TBL2: variants seen among roughly 807,000 people sequenced by gnomAD.
The protein encoded by TBL2 is transducin beta-like protein 2.
TBL2 carries 33 observed loss-of-function variants against 41.8 expected under a neutral mutation model. That is an observed-to-expected ratio of 0.79 (90% confidence interval 0.60 to 1.06). The LOEUF (loss-of-function observed/expected upper bound fraction) is 1.06, where lower values mean the gene tolerates loss of function less well. Among genes scored for constraint, TBL2 ranks in the 50% least tolerant of loss-of-function variants. TBL2 has a pLI of 0.00. For missense variants in TBL2, 522 were observed against 603.8 expected (o/e 0.86, Z 1.42); for synonymous variants, 239 against 241.7 (o/e 0.99, Z 0.10).
chr7:73,571,007 A>G, intron 6 of TBL2, 35 bp from the exon 7 acceptor site: 1 of 1,574,324 alleles, frequency 6.4e-7, no homozygotes, highest in Non-Finnish European at 8.6e-7. Flanking sequence ...AAGCCCCAAC[A>G]CACCCTGGCA....
intron 5 of TBL2, 85 bp downstream of exon 5, chr7:73,572,759 G>A (rs962294819): frequency 2.3e-5 from 37 of 1,589,144 alleles, no homozygotes; most frequent in Admixed American, 8.5e-5. Flanking sequence ...CTCTTCCCAC[G>A]CGATGAAGCT....
rs17145738 is a variant in TBL2 at position 73,568,544 on chromosome 7, C to T, written c.*1963G>A. ...AGGTAACTGACCCTTCACACATTTA[C>T]GGTGCCCATCTGACATTCATAGCAT... On this transcript the variant is annotated 3_prime_UTR_variant, in exon 7 of 7. Coordinates refer to ENST00000305632, the MANE Select transcript of TBL2 (RefSeq NM_012453.4). 0.1 allele frequency among the ~76,000 whole-genome samples: 15,954 copies of T among 152,128 alleles called. 886 individuals are homozygous for T. Among genetic ancestry groups the T allele is most frequent in the Middle Eastern group, 0.13 (37 of 294 alleles).
chr7:73,573,593 A>G (rs1793108599), intron 3 of TBL2, 122 bp from the exon 4 acceptor site: 1 of 1,312,974 alleles, frequency 7.6e-7, no homozygotes, highest in African/African-American at 1.5e-5. Context: ...CTAGCCTTAA[A>G]ACTTAAGCCC....
intron 6 of TBL2, 87 bp downstream of exon 6, chr7:73,571,102 A>G: frequency 6.3e-7 from 1 of 1,598,202 alleles, no homozygotes; most frequent in Non-Finnish European, 8.5e-7. Context: ...CACCCTCTTC[A>G]GAGCCATGGC....
Position 73,571,224 on chromosome 7 carries a change from A to T in TBL2, c.843T>A (p.Ala281=). 6.2e-7 allele frequency: 1 copy of T among 1,614,238 alleles called. No homozygotes were observed. Among genetic ancestry groups the T allele is most frequent in the Non-Finnish European group, 8.5e-7 (1 of 1,180,040 alleles). The change falls in exon 6 of 7, where the codon GCT becomes GCA. Residue 281 remains alanine (A), a synonymous_variant. Coordinates refer to ENST00000305632, the MANE Select transcript of TBL2 (RefSeq NM_012453.4). ...CGTTGGAGAAAGCAAACGAGTGCAC[A>T]GCCGCGGAGTGGCCCTTTAGTTCGA... is the stretch of plus-strand genomic sequence containing the variant. ...RAFELKGHSA[A]VHSFAFSNDS... is the part of the protein sequence containing the mutation.
In TBL2 at chr7:73,570,437, A is replaced by G. The variant is rs911691170; in HGVS notation, c.*70T>C. 29 of 1,432,166 alleles carry G rather than the reference A, an allele frequency of 2.0e-5. No individual in the cohort carries two copies. The highest frequency in any genetic ancestry group is 2.4e-5 in the Non-Finnish European group (26 of 1,096,954). The allele number at this position is 1,432,166 out of a possible 1,614,324, so 88.7% of individuals were successfully genotyped here. A position where few individuals can be genotyped will look rare whatever the true frequency, so the allele number is the denominator to read the frequency against. On this transcript the variant is annotated 3_prime_UTR_variant, in exon 7 of 7. Transcript: ENST00000305632. ...TCTGAAAGGCTTCCACCTGGGAGGA[A>G]AGATGGCAGCAGTGCCATGAGGAGG...
At chr7:73,571,439 A>G in intron 5 of TBL2, 98 bp from the exon 6 acceptor site, 1 of 1,512,696 alleles carries the variant, frequency 6.6e-7, no homozygotes, top group Non-Finnish European at 9.0e-7. Flanking sequence ...GATAATCCTC[A>G]TATCTGGATA....
chr7:73,577,818 C>T (rs375898915), intron 1 of TBL2, among the ~76,000 whole-genome samples: 7 of 151,982 alleles, frequency 4.6e-5, no homozygotes, highest in Non-Finnish European at 7.4e-5. Flanking sequence ...GCTAATTTTG[C>T]GTAGAGATGG....
rs1793074727 is a variant in TBL2, at chr7:73,573,144, G to T, written c.599-174C>A. 5 of 1,346,966 alleles carry T rather than the reference G, an allele frequency of 3.7e-6. No homozygotes were observed. The East Asian group carries it at 1.2e-4, about 31-fold the overall frequency. The allele number at this position is 1,346,966 out of a possible 1,614,324, so 83.4% of individuals were successfully genotyped here. On this transcript the variant is annotated intron_variant, in intron 4 of 6. Transcript: ENST00000305632. ...GTGGCCCTTCCCCACCTTCCCTAGG[G>T]ACCTGGTGTGGCCCAGGGACTCCAG...
In TBL2 at chr7:73,572,826, A is replaced by G; in HGVS notation, c.725+18T>C. On this transcript the variant is annotated intron_variant, in intron 5 of 6. Transcript: ENST00000305632. ...CAGCCTCTCGTGGTCCCAGACGCCAATACCCCTCCTTGCCCACCTGCCACA... is the reference window on the plus strand; with the variant it reads ...CAGCCTCTCGTGGTCCCAGACGCCAGTACCCCTCCTTGCCCACCTGCCACA... 2 of 1,613,838 alleles carry G rather than the reference A, an allele frequency of 1.2e-6. No homozygotes were observed. Among genetic ancestry groups the G allele is most frequent in the Non-Finnish European group, 1.7e-6 (2 of 1,179,828 alleles).
rs1188288612 is a variant in TBL2 at position 73,570,338 on chromosome 7, G to A, written c.*169C>T. 2 of 1,232,144 alleles carry A rather than the reference G, an allele frequency of 1.6e-6. No individual in the cohort carries two copies. The highest frequency in any genetic ancestry group is 2.1e-6 in the Non-Finnish European group (2 of 932,280). The allele number at this position is 1,232,144 out of a possible 1,614,324, so 76.3% of individuals were successfully genotyped here. ...GGAGGAGTCACAGCCAGCAAGAAGA[G>A]AGAGACCTAAGTAGACAAGAGTAGT... On this transcript the variant is annotated 3_prime_UTR_variant, in exon 7 of 7. Transcript: ENST00000305632.
intron 1 of TBL2, among the ~76,000 whole-genome samples, chr7:73,577,506 G>A (rs1793412574): frequency 6.6e-6 from 1 of 152,136 alleles, no homozygotes; most frequent in African/African-American, 2.4e-5. Context: ...CCTGGCAGGC[G>A]GAAGTTGCAA....
chr7:73,568,333 C>G lies in TBL2; in HGVS notation c.*2174G>C, dbSNP rs568457298. Among the ~76,000 whole-genome samples, 1 of 152,120 alleles carries G rather than the reference C, an allele frequency of 6.6e-6. No homozygotes were observed. The highest frequency in any genetic ancestry group is 2.1e-4 in the South Asian group (1 of 4,828). On this transcript the variant is annotated 3_prime_UTR_variant, in exon 7 of 7. Transcript: ENST00000305632. ...CCAATAAGAGAGTAGTGGACTGCATCGGGCCGACCTTAGTGTTTTGTTTGG... is the reference window on the plus strand; with the variant it reads ...CCAATAAGAGAGTAGTGGACTGCATGGGGCCGACCTTAGTGTTTTGTTTGG...
Position 73,573,027 on chromosome 7 carries a change from T to G in TBL2, c.599-57A>C. The G allele has an allele frequency of 2.5e-6, 4 of 1,609,462 alleles. No homozygotes were observed. In the South Asian group the frequency reaches 4.4e-5, roughly 18 times the overall value. On this transcript the variant is annotated intron_variant, in intron 4 of 6. Transcript: ENST00000305632. ...GCAGTGACCTGACCAACTGTCACTC[T>G]CCAAAGACACTTACAAGGCCTCTGC...
At position 73,573,361 on chromosome 7, in the gene TBL2, T is replaced by C; in HGVS notation, c.557A>G (p.Lys186Arg). 6.2e-7 allele frequency: 1 copy of C among 1,614,186 alleles called. No homozygotes were observed. The highest frequency in any genetic ancestry group is 8.5e-7 in the Non-Finnish European group (1 of 1,180,016). Reference sequence around the variant, plus strand: ...AATGTCGATGACAGGCGCCTTGTGCTTTTTAGGGAAGTCCTCTGGGGTGGC... The same window carrying C: ...AATGTCGATGACAGGCGCCTTGTGCCTTTTAGGGAAGTCCTCTGGGGTGGC... ...FTATPEDFPK[K>R]HKAPVIDIGI... The change falls in exon 4 of 7, where the codon AAG (lysine) becomes AGG (arginine). Residue 186 changes from lysine to arginine, a missense_variant. Transcript: ENST00000305632.
intron 1 of TBL2, among the ~76,000 whole-genome samples, chr7:73,575,516 A>G (rs1793254084): frequency 1.3e-5 from 2 of 152,044 alleles, no homozygotes; most frequent in Non-Finnish European, 2.9e-5. Flanking sequence ...AATGGTCTCA[A>G]TCTCCTGACC....
Position 73,578,577 on chromosome 7 carries a change from A to C in TBL2, c.-28T>G. 4.6e-6 allele frequency: 6 copies of C among 1,302,014 alleles called. No homozygotes were observed. The highest frequency in any genetic ancestry group is 4.1e-5 in the East Asian group (1 of 24,466). The allele number at this position is 1,302,014 out of a possible 1,614,324, so 80.7% of individuals were successfully genotyped here. A position where few individuals can be genotyped will look rare whatever the true frequency, so the allele number is the denominator to read the frequency against. On this transcript the variant is annotated 5_prime_UTR_variant, in exon 1 of 7. Coordinates refer to ENST00000305632, the MANE Select transcript of TBL2 (RefSeq NM_012453.4). ...TGGTGGAACCACTGCCACCTCAGCT[A>C]GTGAGTACGCGGGCGCCCGCACGGC...
At chr7:73,571,413 C>T in intron 5 of TBL2, 72 bp from the exon 6 acceptor site, 3 of 1,589,564 alleles carry the variant, frequency 1.9e-6, no homozygotes, top group Non-Finnish European at 2.6e-6. Context: ...CCCTCAATCT[C>T]TTTCCTGAGA....
At chr7:73,573,296 C>G in intron 4 of TBL2, 24 bp downstream of exon 4, 1 of 1,612,648 alleles carries the variant, frequency 6.2e-7, no homozygotes, top group South Asian at 1.1e-5. Context: ...TTTGGGCAGG[C>G]GCCACCCTCT....
Sources: allele counts gnomAD v4.1 joint callset (sites outside exome capture counted in the v4.1 genomes callset), GRCh38; gene constraint gnomAD v4.1.1; transcripts MANE v1.5; gene names NCBI Gene and HGNC (gene_info 2026-07-23, HGNC 2026-07-21).